The following PDE4D variants were observed in gnomAD, a reference collection of about 807,000 sequenced individuals.
The protein encoded by PDE4D is phosphodiesterase 4D.
In PDE4D, 24 loss-of-function variants were observed where a neutral mutation model predicts 87.4. The ratio of observed to expected loss-of-function variants is 0.27; its 90% CI spans 0.20 to 0.39. PDE4D has a LOEUF of 0.39. Ranked by LOEUF, PDE4D falls within the 10% of genes least tolerant of loss-of-function variation. PDE4D has a pLI of 1.00. For synonymous variants in PDE4D, 384 were observed against 383.2 expected (o/e 1.00, Z -0.02); for missense variants, 714 against 1,041.0 (o/e 0.69, Z 4.32).
intron 1 of PDE4D, among the ~76,000 whole-genome samples, chr5:59,461,400 A>C (rs1800764654): frequency 6.6e-6 from 1 of 152,132 alleles, no homozygotes; most frequent in African/African-American, 2.4e-5. Context: ...GCAAAAATAA[A>C]AGAAACATCA....
chr5:59,220,235 G>C (rs1752196373), intron 1 of PDE4D, among the ~76,000 whole-genome samples: 1 of 151,820 alleles, frequency 6.6e-6, no homozygotes, highest in Admixed American at 6.6e-5. Context: ...ACAGAGTAGA[G>C]GCTGAGCACA....
At chr5:60,257,014 T>G (rs1227221835) in intron 1 of PDE4D, among the ~76,000 whole-genome samples, 1 of 151,880 alleles carries the variant, frequency 6.6e-6, no homozygotes, top group Non-Finnish European at 1.5e-5. Flanking sequence ...AATAAATACA[T>G]AGAATAAAAC....
intron 5 of PDE4D, among the ~76,000 whole-genome samples, chr5:59,164,163 A>G (rs1182509124): frequency 6.6e-6 from 1 of 152,240 alleles, no homozygotes; most frequent in Non-Finnish European, 1.5e-5. Flanking sequence ...CATGTAGAAA[A>G]GAACTGGCCA....
intron 1 of PDE4D, among the ~76,000 whole-genome samples, chr5:59,345,714 C>T (rs761287709): frequency 1.3e-5 from 2 of 152,166 alleles, no homozygotes; most frequent in African/African-American, 4.8e-5. Flanking sequence ...ATGACCTATA[C>T]TTTGGTAAGA....
In PDE4D at chr5:58,989,338, G is replaced by A. The variant is rs6866342; in HGVS notation, c.1452+417C>T. On this transcript the variant is annotated intron_variant, in intron 10 of 14. Coordinates refer to ENST00000340635, the MANE Select transcript of PDE4D (RefSeq NM_001104631.2). ...AACAACTAATGAAATAACTTCTTAGGATTTAGAAAAATTAAAGTATGTCCT... is the reference window on the plus strand; with the variant it reads ...AACAACTAATGAAATAACTTCTTAGAATTTAGAAAAATTAAAGTATGTCCT... 3.4e-3 allele frequency among the ~76,000 whole-genome samples: 515 copies of A among 152,012 alleles called. 2 individuals are homozygous for A. The highest frequency in any genetic ancestry group is 0.012 in the African/African-American group (493 of 41,454).
In PDE4D at chr5:59,032,484, CA is replaced by C. The variant is rs1186040892; in HGVS notation, c.921+6374del. Among the ~76,000 whole-genome samples the C allele has an allele frequency of 2.0e-5, 3 of 152,236 alleles. No homozygotes were observed. In the East Asian group the frequency reaches 5.8e-4, roughly 30 times the overall value. ...AGTCCAGCTACTCGGGAGGCTGAGGCAGGAGAATTGCTTGAACTTGGGAGGC... is the reference window on the plus strand; with the variant it reads ...AGTCCAGCTACTCGGGAGGCTGAGGCGGAGAATTGCTTGAACTTGGGAGGC... On this transcript the variant is annotated intron_variant, in intron 6 of 14. Transcript: ENST00000340635.
chr5:59,858,808 A>T (rs1188504843), intron 1 of PDE4D, among the ~76,000 whole-genome samples: 1 of 152,190 alleles, frequency 6.6e-6, no homozygotes, highest in Non-Finnish European at 1.5e-5. Flanking sequence ...TATCTTTCAA[A>T]TTAGAGAAAA....
chr5:59,883,212 T>C (rs962073005), intron 1 of PDE4D, among the ~76,000 whole-genome samples: 1 of 152,176 alleles, frequency 6.6e-6, no homozygotes, highest in South Asian at 2.1e-4. Flanking sequence ...ACAGAGCAGG[T>C]CAAAAAAGCA....
At chr5:60,324,623 G>A (rs949965920) in intron 1 of PDE4D, among the ~76,000 whole-genome samples, 2 of 152,246 alleles carry the variant, frequency 1.3e-5, no homozygotes. Flanking sequence ...GGATGACAGA[G>A]CGAGACTCCG....
chr5:59,480,911 C>T (rs1267196456), intron 1 of PDE4D, among the ~76,000 whole-genome samples: 1 of 152,076 alleles, frequency 6.6e-6, no homozygotes, highest in Non-Finnish European at 1.5e-5. Flanking sequence ...TAAGTCAAGG[C>T]CAATCGGCTT....
intron 5 of PDE4D, among the ~76,000 whole-genome samples, chr5:59,061,919 T>A (rs1763184440): frequency 6.6e-6 from 1 of 151,868 alleles, no homozygotes; most frequent in East Asian, 1.9e-4. Flanking sequence ...ACCACCGAAG[T>A]AGAGACCTTC....
intron 1 of PDE4D, among the ~76,000 whole-genome samples, chr5:59,613,340 G>T (rs1169976820): frequency 6.6e-6 from 1 of 152,172 alleles, no homozygotes; most frequent in African/African-American, 2.4e-5. Flanking sequence ...GACATGCTCA[G>T]TTTCAGGTAT....
chr5:60,434,447 T>A (rs1416267807), intron 1 of PDE4D, among the ~76,000 whole-genome samples: 2 of 151,980 alleles, frequency 1.3e-5, no homozygotes, highest in African/African-American at 4.8e-5. Flanking sequence ...CTTTTTTTTT[T>A]AATATTTGTG....
chr5:59,287,170 C>T (rs1767109373), intron 1 of PDE4D, among the ~76,000 whole-genome samples: 1 of 152,130 alleles, frequency 6.6e-6, no homozygotes, highest in Admixed American at 6.5e-5. Context: ...CCCTGGCTTA[C>T]AGGTGGGCCC....
chr5:60,302,153 G>A (rs1562302744), intron 1 of PDE4D, among the ~76,000 whole-genome samples: 1 of 152,092 alleles, frequency 6.6e-6, no homozygotes, highest in Non-Finnish European at 1.5e-5. Flanking sequence ...TTATATCTCT[G>A]CCAGGTTTTG....
chr5:59,567,572 A>G (rs1821155461), intron 1 of PDE4D, among the ~76,000 whole-genome samples: 1 of 152,218 alleles, frequency 6.6e-6, no homozygotes, highest in Non-Finnish European at 1.5e-5. Flanking sequence ...GTACAGAAAA[A>G]CATTTGGGAC....
intron 1 of PDE4D, among the ~76,000 whole-genome samples, chr5:60,406,642 T>A (rs1470200208): frequency 2.6e-5 from 4 of 152,166 alleles, no homozygotes; most frequent in African/African-American, 9.7e-5. Flanking sequence ...TGTGTAGGAG[T>A]TTAATGTAAA....
chr5:59,379,003 T>A (rs560760144), intron 1 of PDE4D, among the ~76,000 whole-genome samples: 59 of 145,128 alleles, frequency 4.1e-4, no homozygotes, highest in African/African-American at 1.4e-3. Flanking sequence ...TGTGTGTGTG[T>A]GATGTGTCCT....
At position 58,973,982 on chromosome 5, in the gene PDE4D, T is replaced by TACTC. The variant is rs1490482971; in HGVS notation, c.*678_*681dup. The TACTC allele has an allele frequency of 2.0e-5, 3 of 152,626 alleles. No homozygotes were observed. The highest frequency in any genetic ancestry group is 4.4e-5 in the Non-Finnish European group (3 of 68,036). 9.5% of individuals were successfully genotyped at this position (152,626 alleles called of 1,614,324 possible). On this transcript the variant is annotated 3_prime_UTR_variant, in exon 15 of 15. Coordinates refer to ENST00000340635, the MANE Select transcript of PDE4D (RefSeq NM_001104631.2). Reference sequence around the variant, plus strand: ...AGATTTGTACTGAAAACTTGCAAGTTACTCCTTAGAAAAAAATAACCAGTG... The same window carrying TACTC: ...AGATTTGTACTGAAAACTTGCAAGTTACTCACTCCTTAGAAAAAAATAACCAGTG...
Sources: gnomAD v4.1 joint callset for allele counts (sites outside exome capture counted in the v4.1 genomes callset) on GRCh38, gnomAD v4.1.1 for gene constraint, MANE v1.5 for transcripts, NCBI Gene and HGNC (gene_info 2026-07-23, HGNC 2026-07-21) for gene names.